Variants in LOC400499 observed in about 807,000 individuals in gnomAD.
At chr16:11,424,275 G>A in the LOC400499 span, 24 of 399,244 alleles carry the variant, frequency 6.0e-5, no homozygotes, top group Admixed American at 1.3e-4. Context: ...GTTCCACAGC[G>A]CCAGGCGTGC....
chr16:11,392,343 G>A, the LOC400499 span: 2 of 398,850 alleles, frequency 5.0e-6, no homozygotes, highest in Non-Finnish European at 8.8e-6. Context: ...AGGCCCCCCT[G>A]GCAGCCGCGC....
At chr16:11,421,409 G>T in the LOC400499 span, among the ~76,000 whole-genome samples, 4 of 148,380 alleles carry the variant, frequency 2.7e-5, no homozygotes, top group South Asian at 8.6e-4. Context: ...TTTTTGTGTT[G>T]TTTTTTTTTT....
chr16:11,525,121 A>C, the LOC400499 span, among the ~76,000 whole-genome samples: 1 of 151,848 alleles, frequency 6.6e-6, no homozygotes, highest in Non-Finnish European at 1.5e-5. Context: ...CCCTCTCTAT[A>C]AAAAATACAA....
chr16:11,425,095 A>G, the LOC400499 span: 6 of 398,766 alleles, frequency 1.5e-5, no homozygotes, highest in Non-Finnish European at 1.8e-5. Flanking sequence ...GTCTTGGAGG[A>G]AGCTGTTCTG....
the LOC400499 span, chr16:11,457,054 C>G: frequency 6.7e-7 from 1 of 1,503,098 alleles, no homozygotes; most frequent in Non-Finnish European, 8.9e-7. Context: ...AGAATGCCCA[C>G]CCCCCCAAGA....
chr16:11,431,879 C>T, the LOC400499 span, among the ~76,000 whole-genome samples: 6 of 152,160 alleles, frequency 3.9e-5, no homozygotes, highest in Admixed American at 1.3e-4. Context: ...TTGTGACCTA[C>T]GTTTTGGTCA....
chr16:11,451,730 T>C, the LOC400499 span, among the ~76,000 whole-genome samples: 8 of 150,516 alleles, frequency 5.3e-5, no homozygotes, highest in Non-Finnish European at 8.9e-5. Flanking sequence ...CAAGGGGGAG[T>C]TGATCAAAGG....
chr16:11,471,356 A>T, the LOC400499 span: 1 of 265,536 alleles, frequency 3.8e-6, no homozygotes. Flanking sequence ...AAGGGAAGAA[A>T]TGTGGTTGTC....
chr16:11,409,967 TTGGG>T, the LOC400499 span, among the ~76,000 whole-genome samples: 1 of 152,116 alleles, frequency 6.6e-6, no homozygotes, highest in African/African-American at 2.4e-5. Flanking sequence ...AAAATAAAAC[TTGGG>T]AAAAAACTAA....
chr16:11,402,721 C>T, the LOC400499 span, among the ~76,000 whole-genome samples: 1 of 152,132 alleles, frequency 6.6e-6, no homozygotes, highest in African/African-American at 2.4e-5. Flanking sequence ...TACAGCTGAC[C>T]TTGAACATGA....
At chr16:11,476,611 G>A in the LOC400499 span, among the ~76,000 whole-genome samples, 1 of 151,918 alleles carries the variant, frequency 6.6e-6, no homozygotes, top group Non-Finnish European at 1.5e-5. Flanking sequence ...ACACATGCAT[G>A]CTAATGTCAC....
the LOC400499 span, chr16:11,462,038 G>T: frequency 8.0e-7 from 1 of 1,252,894 alleles, no homozygotes; most frequent in Non-Finnish European, 1.1e-6. Flanking sequence ...CAGTGATGAG[G>T]ACCATAAGGA....
chr16:11,411,964 G>C, the LOC400499 span, among the ~76,000 whole-genome samples: 1 of 151,790 alleles, frequency 6.6e-6, no homozygotes. Flanking sequence ...CCAGACTCAA[G>C]TGATCCTCCT....
chr16:11,449,139 T>C, the LOC400499 span: 1 of 1,390,336 alleles, frequency 7.2e-7, no homozygotes, highest in Non-Finnish European at 9.5e-7. Flanking sequence ...GACCAAGGCC[T>C]TTGCACACCC....
the LOC400499 span, chr16:11,407,465 G>A: frequency 2.0e-5 from 8 of 395,998 alleles, no homozygotes; most frequent in East Asian, 3.6e-5. Flanking sequence ...AGGCCCAAGA[G>A]ACCCACAACT....
At chr16:11,436,753 A>G in the LOC400499 span, among the ~76,000 whole-genome samples, 1 of 151,524 alleles carries the variant, frequency 6.6e-6, no homozygotes, top group Admixed American at 6.6e-5. Flanking sequence ...ATGCCCAGCT[A>G]ATTTTTTTTT....
At chr16:11,388,787 C>G in the LOC400499 span, among the ~76,000 whole-genome samples, 1 of 152,214 alleles carries the variant, frequency 6.6e-6, no homozygotes, top group Admixed American at 6.5e-5. Flanking sequence ...TGCTCCAGCC[C>G]TGCTGGCTTG....
chr16:11,390,253 A>G, the LOC400499 span: 2 of 1,232,528 alleles, frequency 1.6e-6, no homozygotes, highest in Non-Finnish European at 2.0e-6. Context: ...TCACCTGCCA[A>G]CTACGCCCCA....
At chr16:11,457,194 A>C in the LOC400499 span, 1 of 647,492 alleles carries the variant, frequency 1.5e-6, no homozygotes, top group Non-Finnish European at 2.6e-6. Flanking sequence ...AACAAAAAAC[A>C]AGGAGCGTTG....
Sources: allele counts gnomAD v4.1 joint callset (sites outside exome capture counted in the v4.1 genomes callset), GRCh38; gene constraint gnomAD v4.1.1; transcripts MANE v1.5.